Variants in CCDC3 observed in about 807,000 individuals in gnomAD.
The protein encoded by CCDC3 is coiled-coil domain-containing protein 3.
CCDC3 carries 24 observed loss-of-function variants against 21.4 expected under a neutral mutation model. That is an observed-to-expected ratio of 1.12 (90% CI 0.81 to 1.58). The LOEUF (loss-of-function observed/expected upper bound fraction) is 1.58. Among genes scored for constraint, CCDC3 ranks in the 40% most tolerant of loss-of-function variants. The pLI is 0.00. For synonymous variants in CCDC3, 186 were observed against 166.0 expected, an observed-to-expected ratio of 1.12 and a Z score of -0.93; for missense variants, 425 against 360.9, an observed-to-expected ratio of 1.18 and a Z score of -1.44.
chr10:12,937,232 T>G (rs999488600), intron 2 of CCDC3, among the ~76,000 whole-genome samples: 1 of 151,968 alleles, frequency 6.6e-6, no homozygotes, highest in Non-Finnish European at 1.5e-5. Context: ...GTTGTGACCC[T>G]GTATTTTCCC....
At chr10:12,901,961 G>T (rs1834099969) in intron 2 of CCDC3, among the ~76,000 whole-genome samples, 2 of 152,122 alleles carry the variant, frequency 1.3e-5, no homozygotes, top group Admixed American at 6.5e-5. Context: ...AGCCCTCTGT[G>T]GTCCCCTTTC....
intron 2 of CCDC3, among the ~76,000 whole-genome samples, chr10:12,979,280 A>G (rs184095594): frequency 6.6e-6 from 1 of 152,180 alleles, no homozygotes; most frequent in Admixed American, 6.5e-5. Flanking sequence ...CACATGAAAG[A>G]TGTAGATTTA....
Position 12,961,852 on chromosome 10 carries a change from A to G in CCDC3, c.549+36486T>C, listed in dbSNP as rs193098102. Among the ~76,000 whole-genome samples, 4 of 152,288 alleles carry G rather than the reference A, an allele frequency of 2.6e-5. No homozygotes were observed. In the East Asian group the frequency reaches 7.7e-4, roughly 29 times the overall value. The stretch of plus-strand genomic sequence containing the variant: ...GTAGCTAGCTGCAGGCTGAACTTAA[A>G]ATATTCCATAAATATGGAGAAATAC... On this transcript the variant is annotated intron_variant, in intron 2 of 2. Coordinates refer to ENST00000378825, the MANE Select transcript of CCDC3 (RefSeq NM_031455.4).
chr10:13,012,732 C>T (rs1301793482), intron 5 of CCDC3, among the ~76,000 whole-genome samples: 1 of 152,026 alleles, frequency 6.6e-6, no homozygotes, highest in African/African-American at 2.4e-5. Flanking sequence ...GATTGCACCA[C>T]CGCACTCCAG....
At chr10:12,977,011 C>T (rs548914845) in intron 2 of CCDC3, among the ~76,000 whole-genome samples, 1 of 152,178 alleles carries the variant, frequency 6.6e-6, no homozygotes, top group African/African-American at 2.4e-5. Context: ...CAGTGGCTCA[C>T]GCCTGTAATC....
chr10:13,030,903 T>G (rs1313576869), intron 5 of CCDC3, among the ~76,000 whole-genome samples: 3 of 152,076 alleles, frequency 2.0e-5, no homozygotes, highest in Non-Finnish European at 2.9e-5. Flanking sequence ...ATGGGAGACT[T>G]TAACACCCCA....
At chr10:13,034,106 T>C (rs1181413732) in intron 5 of CCDC3, among the ~76,000 whole-genome samples, 6 of 152,176 alleles carry the variant, frequency 3.9e-5, no homozygotes, top group Non-Finnish European at 8.8e-5. Context: ...TGTCCATCAA[T>C]GATAGATTAG....
At chr10:12,937,120 T>TTTA (rs1554755106) in intron 2 of CCDC3, among the ~76,000 whole-genome samples, 2 of 150,764 alleles carry the variant, frequency 1.3e-5, no homozygotes, top group African/African-American at 4.9e-5. Flanking sequence ...TTTTTTTTTT[T>TTTA]ACCCTCAGAC....
At chr10:12,994,013 C>A (rs1835718302) in intron 2 of CCDC3, among the ~76,000 whole-genome samples, 1 of 152,190 alleles carries the variant, frequency 6.6e-6, no homozygotes, top group South Asian at 2.1e-4. Flanking sequence ...AAAGTGAGAA[C>A]TATCAGGGAA....
In CCDC3 at chr10:13,033,197, A is replaced by G. The variant is rs1352097907; in HGVS notation, c.-2+16477T>C. Among the ~76,000 whole-genome samples, 3 of 152,122 alleles carry G rather than the reference A, an allele frequency of 2.0e-5. No homozygotes were observed. The East Asian group carries it at 5.8e-4, about 29-fold the overall frequency. ...TCAGAAATAATACCACACATCTACA[A>G]CCATCTGATCTTTGACAAACCTGAC... On this transcript the variant is annotated intron_variant, in intron 5 of 6. Transcript: ENST00000378839.
At chr10:13,009,312 G>A (rs1288151175) in intron 5 of CCDC3, among the ~76,000 whole-genome samples, 1 of 152,090 alleles carries the variant, frequency 6.6e-6, no homozygotes, top group Non-Finnish European at 1.5e-5. Context: ...CATAGGTTGG[G>A]AGACTCAATA....
intron 2 of CCDC3, among the ~76,000 whole-genome samples, chr10:12,981,567 T>C (rs1488591877): frequency 1.3e-5 from 2 of 152,064 alleles, no homozygotes; most frequent in East Asian, 3.9e-4. Flanking sequence ...ATAAACTTAG[T>C]TATACAAGAA....
intron 2 of CCDC3, among the ~76,000 whole-genome samples, chr10:12,921,182 G>A (rs1443730179): frequency 6.6e-6 from 1 of 152,202 alleles, no homozygotes; most frequent in African/African-American, 2.4e-5. Flanking sequence ...CGAGCAGTCT[G>A]GGTATTCAAT....
chr10:12,996,085 G>T (rs1835757513), intron 2 of CCDC3, among the ~76,000 whole-genome samples: 1 of 152,300 alleles, frequency 6.6e-6, no homozygotes, highest in South Asian at 2.1e-4. Context: ...AGCCTAAAAA[G>T]CCTTCGCTTG....
intron 4 of CCDC3, among the ~76,000 whole-genome samples, chr10:13,065,270 T>A (rs777082298): frequency 5.9e-5 from 9 of 152,206 alleles, no homozygotes; most frequent in Non-Finnish European, 1.0e-4. Context: ...TTATGTTTAG[T>A]GTTTTTAACT....
intron 2 of CCDC3, among the ~76,000 whole-genome samples, chr10:12,959,928 C>A (rs949809696): frequency 2.6e-5 from 4 of 152,216 alleles, no homozygotes; most frequent in African/African-American, 9.6e-5. Flanking sequence ...CTGAAGCAAG[C>A]GGATAATTTG....
In CCDC3 at chr10:13,035,276, C is replaced by T. The variant is rs569126797; in HGVS notation, c.-2+14398G>A. Among the ~76,000 whole-genome samples, 3 of 152,052 alleles carry T rather than the reference C, an allele frequency of 2.0e-5. No individual in the cohort carries two copies. In the East Asian group the frequency reaches 5.8e-4, roughly 29 times the overall value. ...TTAGGTTATTTTTTCTGCTAACTTCCTGAAAGCTAGATAAAAGAAATTCTC... is the reference window on the plus strand; with the variant it reads ...TTAGGTTATTTTTTCTGCTAACTTCTTGAAAGCTAGATAAAAGAAATTCTC... On this transcript the variant is annotated intron_variant, in intron 5 of 6. Coordinates refer to the CCDC3 transcript ENST00000378839.
intron 5 of CCDC3, among the ~76,000 whole-genome samples, chr10:13,010,277 T>A (rs2083379): frequency 0.017 from 2,605 of 151,552 alleles, 84 homozygotes; most frequent in African/African-American, 0.06. Context: ...AAACACTCAA[T>A]GATGAGAAAA....
intron 2 of CCDC3, among the ~76,000 whole-genome samples, chr10:12,935,664 G>A (rs528306643): frequency 6.8e-6 from 1 of 147,966 alleles, no homozygotes; most frequent in East Asian, 2.0e-4. Context: ...ACCAATCCAA[G>A]TACATTTTTT....
Sources: allele counts gnomAD v4.1 joint callset (sites outside exome capture counted in the v4.1 genomes callset), GRCh38; gene constraint gnomAD v4.1.1; transcripts MANE v1.5; gene names NCBI Gene and HGNC (gene_info 2026-07-23, HGNC 2026-07-21).